Variants in VANGL2 observed in about 807,000 individuals in gnomAD.
The protein encoded by VANGL2 is VANGL planar cell polarity protein 2, also known as vang-like protein 2.
A neutral mutation model predicts 50.2 loss-of-function variants in VANGL2; 14 were observed. The ratio of observed to expected loss-of-function variants is 0.28; its 90% CI spans 0.18 to 0.44. The LOEUF (loss-of-function observed/expected upper bound fraction) is 0.44, where lower values mean the gene tolerates loss of function less well. Ranked by LOEUF, VANGL2 falls within the 20% of genes least tolerant of loss-of-function variation. The pLI is 1.00. For synonymous variants in VANGL2, 295 were observed against 297.2 expected, an observed-to-expected ratio of 0.99 and a Z score of 0.08; for missense variants, 533 against 701.5, an observed-to-expected ratio of 0.76 and a Z score of 2.71.
At chr1:160,406,033 T>A (rs949806309) in intron 1 of VANGL2, among the ~76,000 whole-genome samples, 3 of 152,342 alleles carry the variant, frequency 2.0e-5, no homozygotes, top group East Asian at 1.9e-4. Context: ...AACATTTTTT[T>A]AAGCATCTAT....
In VANGL2 at chr1:160,419,915, A is replaced by C. The variant is rs924506033; in HGVS notation, c.800+306A>C. Among the ~76,000 whole-genome samples, 4 of 151,964 alleles carry C rather than the reference A, an allele frequency of 2.6e-5. No individual in the cohort carries two copies. Among genetic ancestry groups the C allele is most frequent in the Non-Finnish European group, 4.4e-5 (3 of 67,984 alleles). On this transcript the variant is annotated intron_variant, in intron 4 of 7. Coordinates refer to ENST00000368061, the MANE Select transcript of VANGL2 (RefSeq NM_020335.3). This position sits in a 1 kb window ranked among gnomAD's most constrained non-coding sequence, Gnocchi z 5.8. Reference sequence around the variant, plus strand: ...GGGAAGAAATATGGGGGGGTGCACAAACAGGGGCTTTTTGGAATCCCTTTT... The same window carrying C: ...GGGAAGAAATATGGGGGGGTGCACACACAGGGGCTTTTTGGAATCCCTTTT...
In VANGL2 at chr1:160,426,237, C is replaced by T. The variant is rs1196394945; in HGVS notation, c.*859C>T. The T allele has an allele frequency of 6.5e-6, 1 of 152,688 alleles. No individual in the cohort carries two copies. The highest frequency in any genetic ancestry group is 1.9e-4 in the East Asian group (1 of 5,194). 9.5% of individuals were successfully genotyped at this position (152,688 alleles called of 1,614,324 possible). A position where few individuals can be genotyped will look rare whatever the true frequency, so the allele number is the denominator to read the frequency against. On this transcript the variant is annotated 3_prime_UTR_variant, in exon 8 of 8. Transcript: ENST00000368061. The stretch of plus-strand genomic sequence containing the variant: ...CCTAACCCTACCCTCACTTTCGTCC[C>T]CGCTCTTCCCAGTGAAGGATGGTAT...
intron 1 of VANGL2, among the ~76,000 whole-genome samples, chr1:160,415,017 A>C (rs546504361): frequency 6.6e-6 from 1 of 152,156 alleles, no homozygotes; most frequent in African/African-American, 2.4e-5. Flanking sequence ...TATTATCCAT[A>C]GTTTCCACCC....
At position 160,419,371 on chromosome 1, in the gene VANGL2, C is replaced by T; in HGVS notation, c.562C>T (p.Leu188=). 1.2e-6 allele frequency: 2 copies of T among 1,612,334 alleles called. No individual in the cohort carries two copies. The highest frequency in any genetic ancestry group is 8.5e-7 in the Non-Finnish European group (1 of 1,180,020). The change falls in exon 4 of 8, where the codon CTG becomes TTG. Residue 188 remains leucine (L), a synonymous_variant. Transcript: ENST00000368061. The surrounding 1 kb of genome is among the most constrained non-coding windows in gnomAD (Gnocchi z 5.8). ...TGTGCTGCGTGCCCTGCTTATGGTG[C>T]TGGTTTTCCTGCTCGTGGTCTCCTA... is the stretch of plus-strand genomic sequence containing the variant. The part of the protein sequence containing the change: ...VFVLRALLMV[L]VFLLVVSYWL...
At chr1:160,423,058 A>G (rs1321022357) in intron 6 of VANGL2, among the ~76,000 whole-genome samples, 1 of 152,134 alleles carries the variant, frequency 6.6e-6, no homozygotes, top group Non-Finnish European at 1.5e-5. Flanking sequence ...GATGCACACC[A>G]GCATGCCCAG....
In VANGL2 at chr1:160,426,439, C is replaced by T. The variant is rs1651458733; in HGVS notation, c.*1061C>T. On this transcript the variant is annotated 3_prime_UTR_variant, in exon 8 of 8. Transcript: ENST00000368061. ...CCGGCAGCTCCTCCTCATCCCCTGC[C>T]TTAAGTCCAGTTCTTTGCCTCAGGG... The T allele has an allele frequency of 6.5e-6, 1 of 152,810 alleles. No individual in the cohort carries two copies. Among genetic ancestry groups the T allele is most frequent in the Admixed American group, 6.5e-5 (1 of 15,294 alleles). 9.5% of individuals were successfully genotyped at this position (152,810 alleles called of 1,614,324 possible).
chr1:160,410,700 G>T (rs11584498), intron 1 of VANGL2, among the ~76,000 whole-genome samples: 3 of 72,728 alleles, frequency 4.1e-5, no homozygotes, highest in Non-Finnish European at 1.0e-4. Context: ...ACACACACAC[G>T]CACGCACGCA....
chr1:160,407,121 G>A (rs1650703008), intron 1 of VANGL2, among the ~76,000 whole-genome samples: 1 of 152,216 alleles, frequency 6.6e-6, no homozygotes, highest in Non-Finnish European at 1.5e-5. Flanking sequence ...ACAACAGACT[G>A]TGAACAAAAA....
At chr1:160,423,957 C>A in intron 6 of VANGL2, 95 bp from the exon 7 acceptor site, 1 of 1,383,314 alleles carries the variant, frequency 7.2e-7, no homozygotes, top group Non-Finnish European at 1.0e-6. Context: ...AAGGCCTGAC[C>A]TCATTCAGGC....
chr1:160,427,123 C>G lies in VANGL2; in HGVS notation c.*1745C>G, dbSNP rs1356661504. 1 of 152,764 alleles carries G rather than the reference C, an allele frequency of 6.5e-6. No individual in the cohort carries two copies. The highest frequency in any genetic ancestry group is 1.5e-5 in the Non-Finnish European group (1 of 68,122). The allele number at this position is 152,764 out of a possible 1,614,324, so 9.5% of individuals were successfully genotyped here. A position where few individuals can be genotyped will look rare whatever the true frequency, so the allele number is the denominator to read the frequency against. On this transcript the variant is annotated 3_prime_UTR_variant, in exon 8 of 8. Coordinates refer to ENST00000368061, the MANE Select transcript of VANGL2 (RefSeq NM_020335.3). ...CTTAGGCAGGGCCTCTGGCTGGGGC[C>G]AGGGTTATGAGATAGGCCTGTATGA...
intron 1 of VANGL2, among the ~76,000 whole-genome samples, chr1:160,402,754 A>G (rs541982362): frequency 5.4e-4 from 82 of 152,084 alleles, no homozygotes; most frequent in African/African-American, 2.0e-3. Context: ...CTATCCAGGA[A>G]GTGAATGTCT....
chr1:160,423,482 C>G (rs979497334), intron 6 of VANGL2, among the ~76,000 whole-genome samples: 1 of 152,214 alleles, frequency 6.6e-6, no homozygotes, highest in African/African-American at 2.4e-5. Context: ...TTTAGCCTTT[C>G]AGTCCTCTTG....
chr1:160,422,613 G>C (rs958715108), intron 6 of VANGL2, among the ~76,000 whole-genome samples: 4 of 152,164 alleles, frequency 2.6e-5, no homozygotes, highest in African/African-American at 9.7e-5. Context: ...TGTCACTTCA[G>C]GCTGGTCCTG....
At chr1:160,424,304 G>T in intron 7 of VANGL2, 21 bp downstream of exon 7, 3 of 1,608,708 alleles carry the variant, frequency 1.9e-6, no homozygotes, top group Non-Finnish European at 2.6e-6. Flanking sequence ...CCTGCTGCCA[G>T]CATCCTTCCT....
rs2101973707 is a variant in VANGL2 at position 160,425,485 on chromosome 1, T to TC, written c.*108dup. The TC allele has an allele frequency of 1.1e-6, 1 of 915,442 alleles. No individual in the cohort carries two copies. Among genetic ancestry groups the TC allele is most frequent in the East Asian group, 2.9e-5 (1 of 35,070 alleles). The allele number at this position is 915,442 out of a possible 1,614,324, so 56.7% of individuals were successfully genotyped here. ...TTCCTGCCACCCTTCTTCTTCTTGCTCTTTTTTTTTTACTTGAATTAACGC... is the reference window on the plus strand; with the variant it reads ...TTCCTGCCACCCTTCTTCTTCTTGCTCCTTTTTTTTTTACTTGAATTAACGC... On this transcript the variant is annotated 3_prime_UTR_variant, in exon 8 of 8. Transcript: ENST00000368061.
At chr1:160,401,327 C>T (rs187463361) in intron 1 of VANGL2, among the ~76,000 whole-genome samples, 3 of 151,142 alleles carry the variant, frequency 2.0e-5, no homozygotes, top group Non-Finnish European at 4.4e-5. Flanking sequence ...GGGACGGAGG[C>T]AGGTATGCGT....
At chr1:160,400,924 A>G (rs1265229765) in intron 1 of VANGL2, 55 bp downstream of exon 1, 1 of 152,216 alleles carries the variant, frequency 6.6e-6, no homozygotes, top group African/African-American at 2.4e-5. Context: ...AGAAGAAAGA[A>G]AGAGAGAGAA....
intron 1 of VANGL2, 23 bp from the exon 2 acceptor site, chr1:160,415,625 A>G: frequency 1.6e-6 from 1 of 609,378 alleles, no homozygotes; most frequent in South Asian, 1.9e-5. Flanking sequence ...AGCCGCCTCT[A>G]ACTAGCTTCT....
chr1:160,421,360 A>G (rs548739535), intron 6 of VANGL2, among the ~76,000 whole-genome samples, 173 bp downstream of exon 6: 3 of 152,314 alleles, frequency 2.0e-5, no homozygotes, highest in African/African-American at 7.2e-5. Flanking sequence ...AGCAGCTGTG[A>G]AACAGCACAC....
Sources: gnomAD v4.1 joint callset for allele counts (sites outside exome capture counted in the v4.1 genomes callset) on GRCh38, gnomAD v4.1.1 for gene constraint, Gnocchi (gnomAD v3.1) non-coding constraint, MANE v1.5 for transcripts, NCBI Gene and HGNC (gene_info 2026-07-23, HGNC 2026-07-21) for gene names.